The following MYH14 variants were observed in gnomAD, a reference collection of about 807,000 sequenced individuals.
MYH14 encodes the protein myosin-14.
Under a neutral mutation model 255.5 loss-of-function variants are expected in MYH14, and 123 were observed. The observed-to-expected ratio is 0.48, with a 90% CI of 0.42 to 0.56. MYH14 has a LOEUF of 0.56. MYH14 is among the 20% of genes least tolerant of loss of function. The pLI is 0.00. For synonymous variants in MYH14, 1,095 were observed against 1,161.2 expected (o/e 0.94, Z 1.16); for missense variants, 2,423 against 2,802.3 (o/e 0.86, Z 3.06).
At chr19:50,296,363 C>T (rs4802690) in intron 39 of MYH14, among the ~76,000 whole-genome samples, 101,384 of 151,896 alleles carry the variant, frequency 0.67, 36,139 homozygotes, top group East Asian at 0.99. Flanking sequence ...ATCCTAGCTC[C>T]TTGGAAGGCT....
intron 39 of MYH14, among the ~76,000 whole-genome samples, chr19:50,298,050 T>A (rs1205816392): frequency 2.6e-5 from 4 of 152,154 alleles, no homozygotes; most frequent in Non-Finnish European, 5.9e-5. Context: ...CTGCACATGT[T>A]CAGCTTCCAG....
chr19:50,291,138 C>T (rs2123451198), intron 36 of MYH14, 90 bp downstream of exon 36: 2 of 1,322,646 alleles, frequency 1.5e-6, no homozygotes, highest in African/African-American at 1.5e-5. Flanking sequence ...GCTCGGACCC[C>T]TCGCTCTCAA....
rs59828821 is a variant in MYH14, at chr19:50,246,637, A to AAAACAAAACAAAACAAAAC, written c.1211-360_1211-359insACAAAACAAAACAAACAAA. On this transcript the variant is annotated intron_variant, in intron 11 of 42. Transcript: ENST00000642316. ...AACTCTGTCTCAAACAAAACAAAAC[A>AAAACAAAACAAAACAAAAC]AAACAAACAAAAAAACCATCAGAAC... 1.9e-4 allele frequency among the ~76,000 whole-genome samples: 28 copies of AAAACAAAACAAAACAAAAC among 150,774 alleles called. 1 individual carries two copies. Among genetic ancestry groups the AAAACAAAACAAAACAAAAC allele is most frequent in the African/African-American group, 6.8e-4 (28 of 41,026 alleles).
intron 1 of MYH14, among the ~76,000 whole-genome samples, chr19:50,205,913 G>T (rs1025202812): frequency 2.0e-5 from 3 of 152,108 alleles, no homozygotes; most frequent in Non-Finnish European, 4.4e-5. Flanking sequence ...TGGATGCCAA[G>T]GGCCCCAACC....
chr19:50,299,300 T>C (rs2036391559), intron 39 of MYH14, among the ~76,000 whole-genome samples: 1 of 152,152 alleles, frequency 6.6e-6, no homozygotes, highest in Non-Finnish European at 1.5e-5. Flanking sequence ...CTGGGGGCAG[T>C]GGCTCACATC....
intron 2 of MYH14, among the ~76,000 whole-genome samples, chr19:50,216,207 G>A (rs1319340828): frequency 6.6e-6 from 1 of 152,118 alleles, no homozygotes; most frequent in Non-Finnish European, 1.5e-5. Context: ...GGGTGTGAAG[G>A]TTCACATCTC....
At chr19:50,259,410 C>T (rs910064814) in intron 19 of MYH14, 145 bp downstream of exon 19, 37 of 1,088,254 alleles carry the variant, frequency 3.4e-5, no homozygotes, top group Non-Finnish European at 4.4e-5. Context: ...TTTGCTGAGC[C>T]TCAGTTTACT....
At chr19:50,249,850 C>T (rs1446913351) in intron 14 of MYH14, 27 bp downstream of exon 14, 2 of 1,613,034 alleles carry the variant, frequency 1.2e-6, no homozygotes, top group Non-Finnish European at 1.7e-6. Flanking sequence ...TCCCAGCCCA[C>T]ACTCACGGTT....
intron 26 of MYH14, 66 bp downstream of exon 26, chr19:50,272,038 T>C: frequency 6.4e-7 from 1 of 1,568,094 alleles, no homozygotes; most frequent in Admixed American, 1.9e-5. Context: ...GCAAGCCCCA[T>C]GTGCTACAGG....
intron 34 of MYH14, 151 bp from the exon 35 acceptor site, chr19:50,289,285 G>T: frequency 1.5e-6 from 1 of 663,532 alleles, no homozygotes; most frequent in Non-Finnish European, 2.7e-6. Flanking sequence ...GAGCCGTTCA[G>T]CAGATTTTGA....
chr19:50,231,312 C>T (rs1224343229), intron 9 of MYH14, among the ~76,000 whole-genome samples: 3 of 152,260 alleles, frequency 2.0e-5, no homozygotes, highest in Non-Finnish European at 2.9e-5. Flanking sequence ...ATCCCATGGC[C>T]TGTGCTGACT....
Position 50,280,388 on chromosome 19 carries a change from G to A in MYH14, c.4290+5G>A. On this transcript the variant is annotated splice_donor_5th_base_variant and intron_variant, in intron 32 of 42. Transcript: ENST00000642316. The surrounding 1 kb of genome is among the most constrained non-coding windows in gnomAD (Gnocchi z 4.8). ...CTGCAGACTGCCCAGGCCCAGGTGA[G>A]CAGCCCTACGTAAGACCTTCAGGGA... is the stretch of plus-strand genomic sequence containing the variant. The A allele has an allele frequency of 1.3e-6, 2 of 1,531,850 alleles. No individual in the cohort carries two copies. Among genetic ancestry groups the A allele is most frequent in the East Asian group, 2.5e-5 (1 of 40,628 alleles). The allele number at this position is 1,531,850 out of a possible 1,614,324, so 94.9% of individuals were successfully genotyped here.
chr19:50,236,174 A>G, intron 10 of MYH14, among the ~76,000 whole-genome samples: 1 of 152,036 alleles, frequency 6.6e-6, no homozygotes, highest in South Asian at 2.1e-4. Flanking sequence ...TTTACAAAAA[A>G]CACAAAAAAT....
chr19:50,213,920 G>A (rs750019892), intron 2 of MYH14, among the ~76,000 whole-genome samples: 26 of 152,258 alleles, frequency 1.7e-4, no homozygotes, highest in Middle Eastern at 6.8e-3. Context: ...AACCTCCTGG[G>A]CTCAAGTGAT....
At chr19:50,234,808 A>G (rs1380739449) in intron 10 of MYH14, among the ~76,000 whole-genome samples, 4 of 152,172 alleles carry the variant, frequency 2.6e-5, no homozygotes, top group Non-Finnish European at 5.9e-5. Flanking sequence ...GAATTCAGAA[A>G]TAAAAACTTT....
Position 50,225,646 on chromosome 19 carries a change from A to G in MYH14, c.779A>G (p.Lys260Arg), listed in dbSNP as rs2033054353. ...ATCCTAGAGGCCTTTGGCAATGCCA[A>G]GACAGTGAAGAATGACAACTCCTCC... ...NPILEAFGNA[K>R]TVKNDNSSRF... Residue 260 changes from lysine (K) to arginine (R), a missense_variant, in exon 7 of 43, where the codon AAG becomes AGG. Coordinates refer to ENST00000642316, the MANE Select transcript of MYH14 (RefSeq NM_001145809.2). 6.2e-7 allele frequency: 1 copy of G among 1,613,864 alleles called. No homozygotes were observed.
intron 13 of MYH14, 101 bp downstream of exon 13, chr19:50,249,240 C>G (rs2034258256): frequency 4.3e-6 from 5 of 1,153,860 alleles, no homozygotes; most frequent in Non-Finnish European, 4.8e-6. Context: ...CTCTGTCCCC[C>G]TCTCTCTCTC....
intron 40 of MYH14, among the ~76,000 whole-genome samples, chr19:50,305,681 A>G (rs2036630612): frequency 6.6e-6 from 1 of 151,996 alleles, no homozygotes; most frequent in African/African-American, 2.4e-5. Flanking sequence ...TAATCCCCAC[A>G]CTTTGGGAGG....
At chr19:50,298,008 C>T (rs1316429913) in intron 39 of MYH14, among the ~76,000 whole-genome samples, 2 of 152,060 alleles carry the variant, frequency 1.3e-5, no homozygotes. Flanking sequence ...ATGGAGCTTC[C>T]GTGCCCTCCT....
Sources: gnomAD v4.1 joint callset for allele counts (sites outside exome capture counted in the v4.1 genomes callset) on GRCh38, gnomAD v4.1.1 for gene constraint, Gnocchi (gnomAD v3.1) non-coding constraint, MANE v1.5 for transcripts, NCBI Gene and HGNC (gene_info 2026-07-23, HGNC 2026-07-21) for gene names.